Variants in CEP295 observed in about 807,000 individuals in gnomAD.
The protein encoded by CEP295 is centrosomal protein 295, also known as centrosomal protein of 295 kDa.
Under a neutral mutation model 291.6 loss-of-function variants are expected in CEP295, and 190 were observed. That is an observed-to-expected ratio of 0.65 (90% confidence interval 0.58 to 0.73). The LOEUF is 0.73. Ranked by LOEUF, CEP295 falls within the 30% of genes least tolerant of loss-of-function variation. The pLI, the probability that CEP295 is intolerant of heterozygous loss-of-function variation, is 0.00. For synonymous variants in CEP295, 993 were observed against 1,038.8 expected (o/e 0.96, Z 0.85); for missense variants, 2,863 against 2,949.4 (o/e 0.97, Z 0.68).
In CEP295 at chr11:93,700,144, G is replaced by A. The variant is rs996487838; in HGVS notation, c.5232G>A (p.Gln1744=). 68 of 1,550,862 alleles carry A rather than the reference G, an allele frequency of 4.4e-5. No individual in the cohort carries two copies. Among genetic ancestry groups the A allele is most frequent in the Non-Finnish European group, 5.7e-5 (65 of 1,146,832 alleles). ...QRQTALQQQI[Q]KHEETLKDFF... The stretch of plus-strand genomic sequence containing the variant: ...AAACAGCATTGCAGCAGCAGATACA[G>A]AAACATGAAGAGACTTTGAAGGATT... Residue 1744 remains glutamine (Q), a synonymous_variant, in exon 15 of 30, where the codon CAG becomes CAA. Coordinates refer to ENST00000325212, the MANE Select transcript of CEP295 (RefSeq NM_033395.2).
chr11:93,728,426 G>T, intron 24 of CEP295: 1 of 330,016 alleles, frequency 3.0e-6, no homozygotes, highest in Non-Finnish European at 5.5e-6. Flanking sequence ...TAATCATTGT[G>T]GTAGATACCT....
chr11:93,666,983 G>A (rs1209710755), intron 2 of CEP295, among the ~76,000 whole-genome samples, 168 bp downstream of exon 2: 1 of 152,190 alleles, frequency 6.6e-6, no homozygotes, highest in Admixed American at 6.5e-5. Context: ...AATAGGCTGA[G>A]ATGGTTAAGT....
chr11:93,729,955 C>T lies in CEP295; in HGVS notation c.7653C>T (p.His2551=). The T allele has an allele frequency of 6.5e-7, 1 of 1,537,226 alleles. No homozygotes were observed. The highest frequency in any genetic ancestry group is 8.7e-7 in the Non-Finnish European group (1 of 1,143,248). Residue 2551 remains histidine, a synonymous_variant, in exon 28 of 30, where the codon CAC becomes CAT. Coordinates refer to ENST00000325212, the MANE Select transcript of CEP295 (RefSeq NM_033395.2). The part of the protein sequence containing the change: ...EDRKTTQALR[H]QRGLRLYNQL... ...GAAAGACTACACAGGCTCTAAGGCA[C>T]CAAAGGGGTCTAAGGTAGGGTTAAT...
intron 6 of CEP295, 95 bp from the exon 7 acceptor site, chr11:93,679,317 A>G (rs572288125): frequency 2.0e-6 from 2 of 992,968 alleles, no homozygotes; most frequent in African/African-American, 3.3e-5. Flanking sequence ...TATTTTATAT[A>G]TGTAGAAAAC....
Position 93,697,206 on chromosome 11 carries a change from C to A in CEP295, c.2294C>A (p.Ser765Tyr). Residue 765 changes from serine (S) to tyrosine (Y), a missense_variant, in exon 15 of 30, where the codon TCC (serine) becomes TAC (tyrosine). By Grantham distance (144) the Ser-to-Tyr change is moderately radical. Transcript: ENST00000325212. ...GCAACAACTTTTCAAAGTTTAGAAT[C>A]CCAACAATTGTTCTCAGAGAATAGT... The part of the protein sequence containing the change: ...FGATTFQSLE[S>Y]QQLFSENSEN... 1 of 1,551,730 alleles carries A rather than the reference C, an allele frequency of 6.4e-7. No individual in the cohort carries two copies. Among genetic ancestry groups the A allele is most frequent in the Non-Finnish European group, 8.7e-7 (1 of 1,146,986 alleles).
At chr11:93,676,672 A>G (rs757081787) in intron 6 of CEP295, among the ~76,000 whole-genome samples, 2 of 152,000 alleles carry the variant, frequency 1.3e-5, no homozygotes, top group Non-Finnish European at 2.9e-5. Context: ...AATAACTTCA[A>G]TTTGTTGCTA....
In CEP295 at chr11:93,702,451, C is replaced by T; in HGVS notation, c.5275-9C>T. On this transcript the variant is annotated splice_polypyrimidine_tract_variant and intron_variant, in intron 15 of 29. Coordinates refer to ENST00000325212, the MANE Select transcript of CEP295 (RefSeq NM_033395.2). ...TTGTGCTTCCCCACCCTCATCTCCA[C>T]TTTTTCAGATAAGTAAGCCCACAGT... 1.3e-6 allele frequency: 2 copies of T among 1,514,742 alleles called. No homozygotes were observed. Among genetic ancestry groups the T allele is most frequent in the South Asian group, 2.6e-5 (2 of 76,790 alleles). The allele number at this position is 1,514,742 out of a possible 1,614,324, so 93.8% of individuals were successfully genotyped here. A position where few individuals can be genotyped will look rare whatever the true frequency, so the allele number is the denominator to read the frequency against.
chr11:93,726,798 G>A, intron 23 of CEP295, 178 bp from the exon 24 acceptor site: 1 of 482,348 alleles, frequency 2.1e-6, no homozygotes, highest in Non-Finnish European at 3.6e-6. Context: ...GGTGTGAGCT[G>A]TAGTTTGAGA....
At chr11:93,669,506 T>C (rs1221388742) in intron 4 of CEP295, among the ~76,000 whole-genome samples, 171 bp from the exon 5 acceptor site, 2 of 151,978 alleles carry the variant, frequency 1.3e-5, no homozygotes, top group African/African-American at 4.8e-5. Context: ...CTCTCTCAAT[T>C]TGTAAACATT....
chr11:93,699,170 T>C lies in CEP295; in HGVS notation c.4258T>C (p.Cys1420Arg). 10 of 1,551,918 alleles carry C rather than the reference T, an allele frequency of 6.4e-6. No homozygotes were observed. Among genetic ancestry groups the C allele is most frequent in the Non-Finnish European group, 8.7e-6 (10 of 1,147,052 alleles). ...TGAATCTGAAAGAAACCAAGAACCATGTTCAATTAACAGTGATAATATAGT... is the reference window on the plus strand; with the variant it reads ...TGAATCTGAAAGAAACCAAGAACCACGTTCAATTAACAGTGATAATATAGT... Reference protein sequence around the residue: ...LNESERNQEPCSINSDNIVSS... With the variant: ...LNESERNQEPRSINSDNIVSS... The change falls in exon 15 of 30, where the codon TGT becomes CGT. Residue 1420 changes from cysteine to arginine, a missense_variant. Cys to Arg is a radical substitution (Grantham distance 180). Coordinates refer to ENST00000325212, the MANE Select transcript of CEP295 (RefSeq NM_033395.2).
At chr11:93,703,049 T>G in intron 17 of CEP295, 130 bp downstream of exon 17, 1 of 746,432 alleles carries the variant, frequency 1.3e-6, no homozygotes, top group Non-Finnish European at 2.1e-6. Flanking sequence ...CTGAAACCTC[T>G]GCCTTCTGGG....
rs369963505 is a variant in CEP295 at position 93,696,825 on chromosome 11, C to A, written c.1913C>A (p.Pro638Gln). The change falls in exon 15 of 30, where the codon CCG (proline) becomes CAG (glutamine). Residue 638 changes from proline (P) to glutamine (Q), a missense_variant. Physicochemically the swap from Pro to Gln is moderately conservative, Grantham distance 76. This residue lies in a region of CEP295 where 2,295 missense variants were observed against 2,335.7 expected (regional missense o/e 0.98). Transcript: ENST00000325212. Reference protein sequence around the residue: ...ISVPSWKSERPTAISEHWDQG... With the variant: ...ISVPSWKSERQTAISEHWDQG... ...GTGCCATCATGGAAATCTGAGAGAC[C>A]GACTGCTATATCAGAGCATTGGGAT... is the stretch of plus-strand genomic sequence containing the variant. The A allele has an allele frequency of 7.1e-6, 11 of 1,551,418 alleles. 1 individual carries two copies. The highest frequency in any genetic ancestry group is 2.4e-5 in the South Asian group (2 of 84,056).
chr11:93,714,660 T>G lies in CEP295; in HGVS notation c.5750-6652T>G, dbSNP rs116407885. ...ACTTCAGTGTTGTGATCTAAGTTTT[T>G]GGTCACTGCAGCCATGTCTTCATTA... On this transcript the variant is annotated intron_variant, in intron 18 of 29. Coordinates refer to ENST00000325212, the MANE Select transcript of CEP295 (RefSeq NM_033395.2). Among the ~76,000 whole-genome samples the G allele has an allele frequency of 9.6e-3, 1,455 of 152,334 alleles. 26 individuals are homozygous for G. The highest frequency in any genetic ancestry group is 0.032 in the African/African-American group (1,335 of 41,574).
At chr11:93,705,821 AAAGT>A (rs1430232615) in intron 17 of CEP295, among the ~76,000 whole-genome samples, 1 of 152,204 alleles carries the variant, frequency 6.6e-6, no homozygotes, top group African/African-American at 2.4e-5. Context: ...TTTATTGGAA[AAAGT>A]ATGGCTTTGT....
chr11:93,690,149 C>A (rs1281685232), intron 10 of CEP295, among the ~76,000 whole-genome samples: 2 of 152,172 alleles, frequency 1.3e-5, no homozygotes, highest in Non-Finnish European at 2.9e-5. Flanking sequence ...CAGTGGCTCA[C>A]ACCTGTAATC....
chr11:93,707,320 A>G (rs1177288356), intron 18 of CEP295, among the ~76,000 whole-genome samples: 2 of 152,140 alleles, frequency 1.3e-5, no homozygotes, highest in Non-Finnish European at 2.9e-5. Context: ...CTTAATCCTA[A>G]CACCCAAAGA....
At chr11:93,726,437 T>G (rs1954145155) in intron 23 of CEP295, among the ~76,000 whole-genome samples, 2 of 152,200 alleles carry the variant, frequency 1.3e-5, no homozygotes. Context: ...CCCAGCCAGT[T>G]TAAGTATTCT....
intron 7 of CEP295, among the ~76,000 whole-genome samples, chr11:93,682,417 T>G (rs1210990140): frequency 6.6e-6 from 1 of 152,132 alleles, no homozygotes; most frequent in African/African-American, 2.4e-5. Flanking sequence ...AGAGACGGGA[T>G]TTCGCCATAT....
chr11:93,685,074 T>G (rs1231910763), intron 9 of CEP295, among the ~76,000 whole-genome samples: 1 of 152,224 alleles, frequency 6.6e-6, no homozygotes, highest in Non-Finnish European at 1.5e-5. Flanking sequence ...TACCTGTCTT[T>G]TCTATCTTAG....
Sources: allele counts gnomAD v4.1 joint callset (sites outside exome capture counted in the v4.1 genomes callset), GRCh38; gene constraint gnomAD v4.1.1; regional missense constraint gnomAD v4.1.1; transcripts MANE v1.5; gene names NCBI Gene and HGNC (gene_info 2026-07-23, HGNC 2026-07-21).